The following ADRA1B variants were observed in gnomAD, a reference collection of about 807,000 sequenced individuals.
The protein encoded by ADRA1B is alpha-1B adrenergic receptor.
ADRA1B carries 17 observed loss-of-function variants against 17.9 expected under a neutral mutation model. The ratio of observed to expected loss-of-function variants is 0.95; its 90% CI spans 0.65 to 1.42. ADRA1B has a LOEUF of 1.42. ADRA1B is among the 40% of genes most tolerant of loss of function. ADRA1B has a pLI of 0.00. For synonymous variants in ADRA1B, 366 were observed against 327.6 expected (o/e 1.12, Z -1.27); for missense variants, 681 against 722.1 (o/e 0.94, Z 0.65).
At chr5:159,950,826 G>T (rs939117125) in intron 1 of ADRA1B, 8 of 590,516 alleles carry the variant, frequency 1.4e-5, no homozygotes, top group Non-Finnish European at 2.2e-5. Flanking sequence ...TGAGCTTCTT[G>T]TTCAGCTTAG....
At chr5:159,877,300 G>A (rs1255928490) in intron 1 of ADRA1B, among the ~76,000 whole-genome samples, 6 of 152,062 alleles carry the variant, frequency 3.9e-5, no homozygotes, top group South Asian at 2.1e-4. Context: ...CAGAAGACCC[G>A]GGGACAATAG....
intron 1 of ADRA1B, among the ~76,000 whole-genome samples, chr5:159,903,914 G>C (rs372065287): frequency 6.6e-6 from 1 of 152,110 alleles, no homozygotes; most frequent in Non-Finnish European, 1.5e-5. Context: ...CTAAAAGTAG[G>C]CTGGGGTCCA....
chr5:159,904,472 T>C (rs987575489), intron 1 of ADRA1B, among the ~76,000 whole-genome samples: 11 of 152,214 alleles, frequency 7.2e-5, no homozygotes, highest in Non-Finnish European at 1.5e-4. Flanking sequence ...GGTACATTTG[T>C]GGAACTGAAA....
intron 1 of ADRA1B, among the ~76,000 whole-genome samples, chr5:159,903,713 A>G (rs1472222223): frequency 1.3e-5 from 2 of 152,150 alleles, no homozygotes. Context: ...GTGGCTGCAT[A>G]GCAACCAGAA....
intron 1 of ADRA1B, among the ~76,000 whole-genome samples, 156 bp from the exon 2 acceptor site, chr5:159,971,723 G>A (rs1037501104): frequency 6.6e-6 from 1 of 152,192 alleles, no homozygotes; most frequent in Admixed American, 6.5e-5. Context: ...GAAATGCAAA[G>A]GGAAGTATTC....
At chr5:159,960,553 T>C (rs1453005341) in intron 1 of ADRA1B, among the ~76,000 whole-genome samples, 8 of 152,192 alleles carry the variant, frequency 5.3e-5, no homozygotes, top group South Asian at 2.1e-4. Context: ...AAAAAGTAGA[T>C]TTTGAACTGA....
At chr5:159,963,308 A>ATATATATATATATATATATATATC (rs1491526458) in intron 1 of ADRA1B, among the ~76,000 whole-genome samples, 7 of 149,662 alleles carry the variant, frequency 4.7e-5, no homozygotes, top group Non-Finnish European at 5.9e-5. Flanking sequence ...ATATATATAT[A>ATATATATATATATATATATATATC]TCCACACACA....
At chr5:159,865,219 C>G (rs1471143204) in intron 1 of ADRA1B, 1 of 152,124 alleles carries the variant, frequency 6.6e-6, no homozygotes, top group Non-Finnish European at 1.5e-5. Context: ...GAGTCGAAAA[C>G]TATTAGCTGA....
chr5:159,956,884 T>C (rs2113273523), intron 1 of ADRA1B, among the ~76,000 whole-genome samples: 1 of 152,322 alleles, frequency 6.6e-6, no homozygotes, highest in Non-Finnish European at 1.5e-5. Flanking sequence ...TTTGCTTTTT[T>C]TTTCCTGAGA....
At chr5:159,915,758 C>T (rs1405823154), upstream of ADRA1B, among the ~76,000 whole-genome samples, 1 of 152,202 alleles carries the variant, frequency 6.6e-6, no homozygotes, top group African/African-American at 2.4e-5. Flanking sequence ...CCCCTCCTTA[C>T]TTTATTTTCA....
intron 1 of ADRA1B, among the ~76,000 whole-genome samples, chr5:159,966,379 C>T (rs1476854216): frequency 6.6e-6 from 1 of 152,266 alleles, no homozygotes; most frequent in South Asian, 2.1e-4. Flanking sequence ...GAGGTCAGTA[C>T]TATTATTAGC....
intron 1 of ADRA1B, among the ~76,000 whole-genome samples, chr5:159,966,792 C>A (rs1437989724): frequency 6.6e-6 from 1 of 152,136 alleles, no homozygotes; most frequent in Non-Finnish European, 1.5e-5. Flanking sequence ...CAGAAACACC[C>A]AAATGTGCAT....
At chr5:159,966,123 TAAAG>T (rs1755772201) in intron 1 of ADRA1B, among the ~76,000 whole-genome samples, 2 of 151,926 alleles carry the variant, frequency 1.3e-5, no homozygotes, top group African/African-American at 4.8e-5. Flanking sequence ...ACCACTCAAT[TAAAG>T]AAAGAAAACA....
At chr5:159,948,110 C>T in intron 1 of ADRA1B, 1 of 985,400 alleles carries the variant, frequency 1.0e-6, no homozygotes, top group African/African-American at 1.7e-5. Context: ...AGTCTCTGTA[C>T]CTTCATCCTC....
chr5:159,909,270 C>T (rs1754201140), intron 1 of ADRA1B, among the ~76,000 whole-genome samples: 1 of 152,206 alleles, frequency 6.6e-6, no homozygotes. Context: ...TACACTGCCA[C>T]CTCTGCCAGA....
rs1421575838 is a variant in ADRA1B at position 159,972,151 on chromosome 5, G to C, written c.1222G>C (p.Asp408His). The C allele has an allele frequency of 7.3e-7, 1 of 1,361,186 alleles. No individual in the cohort carries two copies. Among genetic ancestry groups the C allele is most frequent in the East Asian group, 3.3e-5 (1 of 30,582 alleles). 84.3% of individuals were successfully genotyped at this position (1,361,186 alleles called of 1,614,324 possible). ...CTCGCAGTCGCGCAAGGACTCGCTG[G>C]ACGACAGCGGCAGCTGCCTGAGCGG... is the stretch of plus-strand genomic sequence containing the variant. The part of the protein sequence containing the change: ...ERSQSRKDSL[D>H]DSGSCLSGSQ... The change falls in exon 2 of 2, where the codon GAC (aspartate) becomes CAC (histidine). Residue 408 changes from aspartate to histidine, a missense_variant. Transcript: ENST00000306675.
chr5:159,939,492 G>A (rs535127861), intron 1 of ADRA1B, among the ~76,000 whole-genome samples: 1 of 152,108 alleles, frequency 6.6e-6, no homozygotes, highest in South Asian at 2.1e-4. Context: ...TGACAGAAAA[G>A]ACTCTTCACA....
At chr5:159,884,439 C>A (rs1753901214) in intron 1 of ADRA1B, among the ~76,000 whole-genome samples, 1 of 152,114 alleles carries the variant, frequency 6.6e-6, no homozygotes, top group African/African-American at 2.4e-5. Context: ...TGAGTTTGTC[C>A]CCCTTCCCCT....
intron 1 of ADRA1B, among the ~76,000 whole-genome samples, chr5:159,930,372 G>A (rs1262797047): frequency 1.3e-5 from 2 of 152,222 alleles, no homozygotes; most frequent in South Asian, 2.1e-4. Context: ...GCTCATGCCT[G>A]TAATCCCAAC....
Sources: allele counts gnomAD v4.1 joint callset (sites outside exome capture counted in the v4.1 genomes callset), GRCh38; gene constraint gnomAD v4.1.1; transcripts MANE v1.5; gene names NCBI Gene and HGNC (gene_info 2026-07-23, HGNC 2026-07-21).